Variants in SLC1A6 observed in about 807,000 individuals in gnomAD.
The protein encoded by SLC1A6 is solute carrier family 1 member 6.
A neutral mutation model predicts 42.1 loss-of-function variants in SLC1A6; 15 were observed. That is an observed-to-expected ratio of 0.36 (90% CI 0.24 to 0.55). SLC1A6 has a LOEUF of 0.55. SLC1A6 is among the 20% of genes least tolerant of loss of function. SLC1A6 has a pLI of 0.88. For missense variants in SLC1A6, 542 were observed against 772.5 expected, an observed-to-expected ratio of 0.70 and a Z score of 3.54; for synonymous variants, 317 against 319.7, an observed-to-expected ratio of 0.99 and a Z score of 0.09.
chr19:14,975,154 A>G (rs373807092), intron 1 of SLC1A6: 1 of 126,778 alleles, frequency 7.9e-6, no homozygotes, highest in Non-Finnish European at 1.7e-5. Flanking sequence ...GGTAGGCGGG[A>G]GGAGAGGATG....
intron 6 of SLC1A6, among the ~76,000 whole-genome samples, chr19:14,959,428 A>G (rs1325460044): frequency 6.6e-6 from 1 of 152,230 alleles, no homozygotes; most frequent in Non-Finnish European, 1.5e-5. Flanking sequence ...TGCTCTTGCC[A>G]TTGTTCCATC....
At position 14,970,298 on chromosome 19, in the gene SLC1A6, T is replaced by G. The variant is rs529438232; in HGVS notation, c.343+1439A>C. Among the ~76,000 whole-genome samples the G allele has an allele frequency of 7.9e-5, 12 of 152,234 alleles. No homozygotes were observed. In the South Asian group the frequency reaches 1.7e-3, roughly 21 times the overall value. On this transcript the variant is annotated intron_variant, in intron 3 of 9. Coordinates refer to ENST00000594383, the MANE Select transcript of SLC1A6 (RefSeq NM_005071.3). ...GTTGCCCAGGCTGATCTCGAACTCC[T>G]GGGCTCAAGCAATTCTCCTGCCTCA... is the stretch of plus-strand genomic sequence containing the variant.
chr19:14,968,174 C>T (rs2097836), intron 4 of SLC1A6, 129 bp downstream of exon 4: 238,988 of 736,042 alleles, frequency 0.32, 40,390 homozygotes, highest in African/African-American at 0.38. Flanking sequence ...TAGAAGTGCC[C>T]GTCTCTGCTC....
At chr19:14,952,804 T>G in intron 9 of SLC1A6, 124 bp downstream of exon 9, 1 of 1,282,062 alleles carries the variant, frequency 7.8e-7, no homozygotes, top group Non-Finnish European at 1.0e-6. Flanking sequence ...GGCCTCCTTT[T>G]CACTTGAAAA....
chr19:14,962,909 C>T (rs974638150), intron 5 of SLC1A6, among the ~76,000 whole-genome samples: 1 of 150,538 alleles, frequency 6.6e-6, no homozygotes, highest in Admixed American at 6.6e-5. Flanking sequence ...CTCAAAAAAA[C>T]AAAAAAAAAT....
upstream of SLC1A6, among the ~76,000 whole-genome samples, chr19:14,980,565 G>T (rs1031858819): frequency 2.7e-5 from 4 of 150,902 alleles, no homozygotes; most frequent in Non-Finnish European, 5.9e-5. Flanking sequence ...GCCGAGGCGG[G>T]AGGATCACTT....
At chr19:14,983,059 A>T (rs911227364), upstream of SLC1A6, among the ~76,000 whole-genome samples, 1 of 152,216 alleles carries the variant, frequency 6.6e-6, no homozygotes, top group Non-Finnish European at 1.5e-5. Context: ...CTGTATTTGC[A>T]AAGTCACTCA....
At chr19:14,972,365 T>C (rs1424937053) in intron 2 of SLC1A6, among the ~76,000 whole-genome samples, 1 of 122,464 alleles carries the variant, frequency 8.2e-6, no homozygotes, top group Non-Finnish European at 1.8e-5. Context: ...CCAACATACA[T>C]GCACAAGTGT....
rs1161096319 is a variant in SLC1A6, at chr19:14,979,049, G to GTCTCTC, written c.-8+259_-8+260insGAGAGA. On this transcript the variant is annotated intron_variant, in intron 1 of 9. Coordinates refer to ENST00000594383, the MANE Select transcript of SLC1A6 (RefSeq NM_005071.3). This position sits in a 1 kb window ranked among gnomAD's most constrained non-coding sequence, Gnocchi z 4.2. ...ACAAATTCAGTCTCTCTCTCTCTCT[G>GTCTCTC]TCACACACACACACACACACACACA... Among the ~76,000 whole-genome samples the GTCTCTC allele has an allele frequency of 9.8e-5, 3 of 30,652 alleles. No individual in the cohort carries two copies. The highest frequency in any genetic ancestry group is 3.5e-4 in the African/African-American group (3 of 8,600). 20.1% of individuals were successfully genotyped at this position (30,652 alleles called of 152,430 possible).
At position 14,956,607 on chromosome 19, in the gene SLC1A6, G is replaced by C. The variant is rs759057418; in HGVS notation, c.1038C>G (p.Val346=). The C allele has an allele frequency of 1.9e-6, 3 of 1,613,932 alleles. No individual in the cohort carries two copies. The highest frequency in any genetic ancestry group is 2.5e-6 in the Non-Finnish European group (3 of 1,179,908). Residue 346 remains valine, a synonymous_variant, in exon 7 of 10, where the codon GTC becomes GTG. Coordinates refer to ENST00000594383, the MANE Select transcript of SLC1A6 (RefSeq NM_005071.3). ...GGQLGMYTLT[V]IVGLFLHAGI... is the part of the protein sequence containing the mutation. The stretch of plus-strand genomic sequence containing the variant: ...CGGCATGGAGGAACAGGCCCACGAT[G>C]ACGGTCAGGGTGTACATGCCCAGCT...
rs2045658483 is a variant in SLC1A6 at position 14,972,806 on chromosome 19, C to T, written c.105G>A (p.Leu35=). The T allele has an allele frequency of 6.2e-7, 1 of 1,612,410 alleles. No homozygotes were observed. Among genetic ancestry groups the T allele is most frequent in the Non-Finnish European group, 8.5e-7 (1 of 1,179,490 alleles). Residue 35 remains leucine (L), a synonymous_variant, in exon 2 of 10, where the codon CTG becomes CTA. Transcript: ENST00000594383. ...TGGTCTGCAGGCGCAGGCGCGTGCG[C>T]AGTGCTCTCTGCTGCAGGCTTTCCT... ...RLQESLQQRA[L]RTRLRLQTMT... is the part of the protein sequence containing the mutation.
chr19:14,954,696 G>C (rs1049293227), intron 7 of SLC1A6, among the ~76,000 whole-genome samples: 1 of 152,126 alleles, frequency 6.6e-6, no homozygotes, highest in African/African-American at 2.4e-5. Flanking sequence ...CCAGGTGGGG[G>C]GCTCCTCAAG....
At chr19:14,981,249 T>C (rs56011284), upstream of SLC1A6, among the ~76,000 whole-genome samples, 5,698 of 151,346 alleles carry the variant, frequency 0.038, 235 homozygotes, top group East Asian at 0.22. Context: ...GCTATGATTG[T>C]GCCACTGCAC....
intron 1 of SLC1A6, among the ~76,000 whole-genome samples, chr19:14,978,565 A>G (rs1869650814): frequency 6.6e-6 from 1 of 151,994 alleles, no homozygotes; most frequent in Non-Finnish European, 1.5e-5. Context: ...ATGCAGTCAT[A>G]CAATCCCTAC....
At chr19:14,994,782 T>C in intron 1 of SLC1A6, among the ~76,000 whole-genome samples, 1 of 152,184 alleles carries the variant, frequency 6.6e-6, no homozygotes. Flanking sequence ...CCTGAGTTTC[T>C]TTCTGTTCAG....
At chr19:14,961,921 A>C in intron 6 of SLC1A6, 81 bp downstream of exon 6, 2 of 1,515,564 alleles carry the variant, frequency 1.3e-6, no homozygotes, top group Non-Finnish European at 1.8e-6. Context: ...AAAAGTCCCC[A>C]GCAAGCCCTT....
At chr19:14,992,374 A>G (rs1044660563) in intron 1 of SLC1A6, among the ~76,000 whole-genome samples, 22 of 152,274 alleles carry the variant, frequency 1.4e-4, no homozygotes, top group African/African-American at 5.3e-4. Context: ...CTCAACAGTA[A>G]AGGCTGCCAG....
At chr19:14,958,849 T>C (rs1215706967) in intron 6 of SLC1A6, among the ~76,000 whole-genome samples, 1 of 152,208 alleles carries the variant, frequency 6.6e-6, no homozygotes, top group Non-Finnish European at 1.5e-5. Flanking sequence ...CCTTGTTAAC[T>C]CTCTGCTTAT....
At chr19:14,955,665 C>T (rs4514810) in intron 7 of SLC1A6, among the ~76,000 whole-genome samples, 109,878 of 151,734 alleles carry the variant, frequency 0.72, 40,212 homozygotes, top group African/African-American at 0.84. Context: ...CCGGGCGTGG[C>T]GGCTTACACA....
Sources: gnomAD v4.1 joint callset for allele counts (sites outside exome capture counted in the v4.1 genomes callset) on GRCh38, gnomAD v4.1.1 for gene constraint, Gnocchi (gnomAD v3.1) non-coding constraint, MANE v1.5 for transcripts, NCBI Gene and HGNC (gene_info 2026-07-23, HGNC 2026-07-21) for gene names.